CDC20B: variants seen among roughly 807,000 people sequenced by gnomAD.
The protein encoded by CDC20B is cell division cycle 20B, also known as cell division cycle protein 20 homolog B.
CDC20B carries 58 observed loss-of-function variants against 64.1 expected under a neutral mutation model. The observed-to-expected ratio is 0.90, with a 90% CI of 0.73 to 1.13. CDC20B has a LOEUF of 1.13. CDC20B is among the 50% of genes most tolerant of loss of function. The probability of loss-of-function intolerance (pLI) is 0.00; values close to 1 mark genes in which losing one functional copy is unlikely to be tolerated. For synonymous variants in CDC20B, 243 were observed against 230.6 expected (o/e 1.05, Z -0.49); for missense variants, 597 against 633.0 (o/e 0.94, Z 0.61).
rs34581363 is a variant in CDC20B, at chr5:55,126,466, C to CAAAAAAAA, written c.989+783_989+790dup. ...TAGGTGACAGAGTGAGATTCCATGT[C>CAAAAAAAA]AAAAAAAAAAAAAAAAAAAAACAGT... On this transcript the variant is annotated intron_variant, in intron 8 of 11. Coordinates refer to ENST00000381375, the MANE Select transcript of CDC20B (RefSeq NM_001170402.1). The CAAAAAAAA allele has an allele frequency of 6.5e-4, 64 of 98,604 alleles. 4 individuals carry two copies. Among genetic ancestry groups the CAAAAAAAA allele is most frequent in the Middle Eastern group, 5.4e-3 (1 of 186 alleles). 6.1% of individuals were successfully genotyped at this position (98,604 alleles called of 1,614,324 possible).
chr5:55,162,039 T>C (rs1744092790), intron 2 of CDC20B, among the ~76,000 whole-genome samples: 1 of 143,796 alleles, frequency 7.0e-6, no homozygotes, highest in Admixed American at 7.3e-5. Flanking sequence ...AAAAATAAAG[T>C]ACTTATACAC....
At chr5:55,136,369 G>C (rs956032119) in intron 5 of CDC20B, 2 of 152,098 alleles carry the variant, frequency 1.3e-5, no homozygotes, top group Non-Finnish European at 2.9e-5. Context: ...GACCAGCCTG[G>C]GCAACATGGT....
In CDC20B at chr5:55,144,519, C is replaced by G. The variant is rs185122305; in HGVS notation, c.356-876G>C. On this transcript the variant is annotated intron_variant, in intron 3 of 11. Coordinates refer to ENST00000381375, the MANE Select transcript of CDC20B (RefSeq NM_001170402.1). ...TAAATTCTCACTAATGTTCCTAGAG[C>G]CTAGTACCTTAAGTACTGGGACATT... is the stretch of plus-strand genomic sequence containing the variant. Among the ~76,000 whole-genome samples the G allele has an allele frequency of 3.9e-3, 590 of 152,234 alleles. 4 individuals are homozygous for G. Among genetic ancestry groups the G allele is most frequent in the African/African-American group, 0.014 (566 of 41,538 alleles).
intron 2 of CDC20B, among the ~76,000 whole-genome samples, chr5:55,152,277 G>C (rs575944884): frequency 6.6e-6 from 1 of 152,354 alleles, no homozygotes; most frequent in East Asian, 1.9e-4. Context: ...AAGCTACAAA[G>C]TTTCTGGTAA....
At chr5:55,156,879 AT>A (rs1262519816) in intron 2 of CDC20B, among the ~76,000 whole-genome samples, 1 of 152,194 alleles carries the variant, frequency 6.6e-6, no homozygotes, top group African/African-American at 2.4e-5. Context: ...GTCTCAAAAA[AT>A]AATAATAATA....
chr5:55,173,119 C>G lies in CDC20B; in HGVS notation c.-119G>C. The G allele has an allele frequency of 7.6e-6, 6 of 786,826 alleles. No individual in the cohort carries two copies. The highest frequency in any genetic ancestry group is 1.3e-5 in the Non-Finnish European group (6 of 479,894). The allele number at this position is 786,826 out of a possible 1,614,324, so 48.7% of individuals were successfully genotyped here. A position where few individuals can be genotyped will look rare whatever the true frequency, so the allele number is the denominator to read the frequency against. ...GTCAAACCCCTGGAGTCCCGTCCCC[C>G]AGGACCATTCTATTTCACCACCTCC... On this transcript the variant is annotated 5_prime_UTR_variant, in exon 1 of 12. Coordinates refer to ENST00000381375, the MANE Select transcript of CDC20B (RefSeq NM_001170402.1).
chr5:55,172,455 A>T (rs1744632978), intron 2 of CDC20B, 133 bp downstream of exon 2: 1 of 652,984 alleles, frequency 1.5e-6, no homozygotes, highest in Non-Finnish European at 2.6e-6. Context: ...AATTTTTTTT[A>T]GTATGTAATA....
intron 4 of CDC20B, among the ~76,000 whole-genome samples, chr5:55,141,858 AC>A (rs1323350753): frequency 2.0e-5 from 3 of 152,128 alleles, no homozygotes; most frequent in Non-Finnish European, 4.4e-5. Flanking sequence ...TTTAGCAGTA[AC>A]CCAGGCCTTC....
chr5:55,163,355 A>G (rs1181826762), intron 2 of CDC20B, among the ~76,000 whole-genome samples: 2 of 151,710 alleles, frequency 1.3e-5, no homozygotes, highest in Non-Finnish European at 2.9e-5. Flanking sequence ...GACCCTGCCA[A>G]AAAAAAAGTT....
chr5:55,172,456 G>T, intron 2 of CDC20B, 132 bp downstream of exon 2: 1 of 661,878 alleles, frequency 1.5e-6, no homozygotes, highest in Non-Finnish European at 2.6e-6. Flanking sequence ...ATTTTTTTTA[G>T]TATGTAATAA....
At chr5:55,115,086 AG>A (rs1320878679) in intron 11 of CDC20B, among the ~76,000 whole-genome samples, 2 of 152,158 alleles carry the variant, frequency 1.3e-5, no homozygotes, top group Admixed American at 1.3e-4. Flanking sequence ...ACTGGGCCCC[AG>A]GTTTCAATAA....
At chr5:55,172,561 G>GAGAACA (rs1428266250) in intron 2 of CDC20B, 27 bp downstream of exon 2, 1 of 1,574,172 alleles carries the variant, frequency 6.4e-7, no homozygotes, top group Non-Finnish European at 8.7e-7. Context: ...AATTAAAACA[G>GAGAACA]AGAACAAGAA....
At chr5:55,153,813 T>C (rs1426332638) in intron 2 of CDC20B, among the ~76,000 whole-genome samples, 4 of 152,192 alleles carry the variant, frequency 2.6e-5, no homozygotes, top group Non-Finnish European at 5.9e-5. Flanking sequence ...TGAACAATAT[T>C]CTTATTTAGA....
At position 55,114,815 on chromosome 5, in the gene CDC20B, G is replaced by A. The variant is rs971039651; in HGVS notation, c.1460-497C>T. Among the ~76,000 whole-genome samples the A allele has an allele frequency of 3.3e-5, 5 of 152,140 alleles. No homozygotes were observed. The highest frequency in any genetic ancestry group is 7.2e-5 in the African/African-American group (3 of 41,410). On this transcript the variant is annotated intron_variant, in intron 11 of 11. Coordinates refer to ENST00000381375, the MANE Select transcript of CDC20B (RefSeq NM_001170402.1). The surrounding 1 kb of genome is among the most constrained non-coding windows in gnomAD (Gnocchi z 4.1). ...TCTCTCACAAGGATACTTGCCATTG[G>A]ATTTAGGGCCACCTGGATAATCCAG...
intron 2 of CDC20B, chr5:55,164,043 T>C (rs1406183930): frequency 6.5e-7 from 1 of 1,544,976 alleles, no homozygotes; most frequent in Non-Finnish European, 8.8e-7. Flanking sequence ...AAATATGTTC[T>C]GGATATTTTA....
chr5:55,156,823 G>A lies in CDC20B; in HGVS notation c.127-9967C>T, dbSNP rs536623437. ...CAAGAGATGGAGGTTGCAGTGAGCC[G>A]AGGTTGCACCACTGCACTCCAGTCT... is the stretch of plus-strand genomic sequence containing the variant. On this transcript the variant is annotated intron_variant, in intron 2 of 11. Transcript: ENST00000381375. Among the ~76,000 whole-genome samples the A allele has an allele frequency of 9.2e-5, 14 of 152,302 alleles. No homozygotes were observed. The South Asian group carries it at 2.1e-3, about 23-fold the overall frequency.
intron 2 of CDC20B, among the ~76,000 whole-genome samples, chr5:55,158,556 C>T (rs1020201303): frequency 6.6e-5 from 10 of 152,114 alleles, no homozygotes; most frequent in Admixed American, 1.3e-4. Context: ...TGCCACAGAG[C>T]GGGAACCAGA....
intron 2 of CDC20B, among the ~76,000 whole-genome samples, chr5:55,158,873 G>GA (rs1370979821): frequency 2.0e-5 from 3 of 152,134 alleles, no homozygotes; most frequent in East Asian, 1.9e-4. Flanking sequence ...GAAATAAAGA[G>GA]AAAAAACGAA....
In CDC20B at chr5:55,125,036, T is replaced by G. The variant is rs780071001; in HGVS notation, c.990-8A>C. ...CGCCCCAGTCTTGACCCACTGCGAG[T>G]TTACATAACAAAAAAATTAAGCCCT... On this transcript the variant is annotated splice_region_variant and splice_polypyrimidine_tract_variant and intron_variant, in intron 8 of 11. Transcript: ENST00000381375. 1.2e-6 allele frequency: 2 copies of G among 1,603,136 alleles called. No individual in the cohort carries two copies. The highest frequency in any genetic ancestry group is 2.7e-5 in the African/African-American group (2 of 74,664).
Sources: gnomAD v4.1 joint callset for allele counts (sites outside exome capture counted in the v4.1 genomes callset) on GRCh38, gnomAD v4.1.1 for gene constraint, Gnocchi (gnomAD v3.1) non-coding constraint, MANE v1.5 for transcripts, NCBI Gene and HGNC (gene_info 2026-07-23, HGNC 2026-07-21) for gene names.